The following ZNF385C variants were observed in gnomAD, a reference collection of about 807,000 sequenced individuals.
ZNF385C encodes the protein CTD-2132N18.2.
Under a neutral mutation model 35.4 loss-of-function variants are expected in ZNF385C, and 28 were observed. The ratio of observed to expected loss-of-function variants is 0.79; its 90% CI spans 0.59 to 1.08. The LOEUF (loss-of-function observed/expected upper bound fraction) is 1.08. Ranked by LOEUF, ZNF385C falls within the 50% of genes least tolerant of loss-of-function variation. The pLI is 0.00. For synonymous variants in ZNF385C, 248 were observed against 248.2 expected, an observed-to-expected ratio of 1.00 and a Z score of 0.01; for missense variants, 605 against 595.6, an observed-to-expected ratio of 1.02 and a Z score of -0.16.
At chr17:42,045,050 T>A (rs1555656499) in intron 2 of ZNF385C, among the ~76,000 whole-genome samples, 1 of 152,090 alleles carries the variant, frequency 6.6e-6, no homozygotes, top group Non-Finnish European at 1.5e-5. Context: ...CCCAAGTAGC[T>A]GGGACTACAG....
chr17:42,034,392 C>T (rs1284946252), intron 3 of ZNF385C, 57 bp from the exon 4 acceptor site: 22 of 1,314,056 alleles, frequency 1.7e-5, no homozygotes, highest in African/African-American at 3.0e-5. Context: ...AAGCAGGGGT[C>T]GGGGGCAGCA....
chr17:42,067,773 G>A (rs571781168), intron 1 of ZNF385C, among the ~76,000 whole-genome samples: 2 of 152,294 alleles, frequency 1.3e-5, no homozygotes. Flanking sequence ...GCAGGAAGAA[G>A]GTCTTAGGTG....
At chr17:42,033,549 G>A (rs557928938) in intron 4 of ZNF385C, among the ~76,000 whole-genome samples, 3 of 152,208 alleles carry the variant, frequency 2.0e-5, no homozygotes, top group African/African-American at 7.2e-5. Context: ...CCAGGAGTTC[G>A]AGACCAGCTT....
intron 2 of ZNF385C, chr17:42,040,550 A>C (rs1440522063): frequency 1.6e-6 from 2 of 1,232,916 alleles, no homozygotes; most frequent in Admixed American, 8.4e-5. Context: ...ACGAAGGTGA[A>C]CTGGCGCAGG....
chr17:42,098,210 C>T (rs2053936843), intron 1 of ZNF385C, among the ~76,000 whole-genome samples, 200 bp downstream of exon 1: 1 of 152,254 alleles, frequency 6.6e-6, no homozygotes, highest in Admixed American at 6.5e-5. Flanking sequence ...CCAGCCAGGA[C>T]CCTCTAACTG....
At chr17:42,027,572 CT>C in intron 8 of ZNF385C, 45 bp downstream of exon 8, 1 of 1,048,360 alleles carries the variant, frequency 9.5e-7, no homozygotes, top group Non-Finnish European at 1.4e-6. Context: ...AGCCCACCCT[CT>C]CCCCTCCTGA....
chr17:42,082,223 T>C (rs573702428), intron 1 of ZNF385C, among the ~76,000 whole-genome samples: 1 of 152,328 alleles, frequency 6.6e-6, no homozygotes, highest in African/African-American at 2.4e-5. Context: ...AACTCATCCA[T>C]GGCACATGGC....
Position 42,027,883 on chromosome 17 carries a change from G to A in ZNF385C, c.1165-155C>T, listed in dbSNP as rs2052630071. The A allele has an allele frequency of 5.1e-6, 6 of 1,185,338 alleles. No homozygotes were observed. In the East Asian group the frequency reaches 1.5e-4, roughly 29 times the overall value. 73.4% of individuals were successfully genotyped at this position (1,185,338 alleles called of 1,614,324 possible). A position where few individuals can be genotyped will look rare whatever the true frequency, so the allele number is the denominator to read the frequency against. Reference sequence around the variant, plus strand: ...CTGGGGTAGGCCCTGGGAAGGGGAGGTGAGTCTTGGCCTTTGCCCTTAATT... The same window carrying A: ...CTGGGGTAGGCCCTGGGAAGGGGAGATGAGTCTTGGCCTTTGCCCTTAATT... On this transcript the variant is annotated intron_variant, in intron 7 of 8. Coordinates refer to ENST00000692273, the MANE Select transcript of ZNF385C (RefSeq NM_001392013.1).
intron 2 of ZNF385C, chr17:42,041,001 C>T (rs572037535): frequency 2.5e-4 from 307 of 1,232,200 alleles, no homozygotes; most frequent in Non-Finnish European, 3.0e-4. Context: ...TGGCCTCGCC[C>T]TCCTGTAGCT....
At chr17:42,040,227 T>C (rs1380349996) in intron 2 of ZNF385C, 25 of 1,231,542 alleles carry the variant, frequency 2.0e-5, no homozygotes, top group Non-Finnish European at 2.3e-5. Flanking sequence ...AGGAGTCCTG[T>C]AGGCCCTTCC....
At chr17:42,027,165 T>TCCACCCCAGAAAACC (rs2052601887) in intron 8 of ZNF385C, 32 bp from the exon 9 acceptor site, 3 of 1,600,734 alleles carry the variant, frequency 1.9e-6, no homozygotes, top group Non-Finnish European at 2.6e-6. Context: ...GGACACAGTC[T>TCCACCCCAGAAAACC]CCACCCCAGA....
At chr17:42,040,193 C>G in intron 2 of ZNF385C, 1 of 1,231,564 alleles carries the variant, frequency 8.1e-7, no homozygotes, top group Non-Finnish European at 1.0e-6. Context: ...AAGGCGGCCA[C>G]GGCGTCCAGC....
intron 2 of ZNF385C, among the ~76,000 whole-genome samples, chr17:42,055,259 G>C (rs1294677713): frequency 6.6e-6 from 1 of 152,156 alleles, no homozygotes; most frequent in African/African-American, 2.4e-5. Flanking sequence ...TGTTTGTGTG[G>C]GGAGAGGAAG....
At position 42,080,668 on chromosome 17, in the gene ZNF385C, C is replaced by G. The variant is rs192278667; in HGVS notation, c.-2-17610G>C. Among the ~76,000 whole-genome samples the G allele has an allele frequency of 3.4e-4, 52 of 152,312 alleles. No homozygotes were observed. The East Asian group carries it at 7.9e-3, about 23-fold the overall frequency. The stretch of plus-strand genomic sequence containing the variant: ...AGCTGCTGACCACATCAAAGTCCTC[C>G]TCTCAAATCGGTCCGGTGGGAGGAG... On this transcript the variant is annotated intron_variant, in intron 1 of 8. Transcript: ENST00000692273.
rs782634624 is a variant in ZNF385C at position 42,029,111 on chromosome 17, C to T, written c.677-38G>A. ...TGGAAGAGTGTGAGACCCAAGATGA[C>T]GCTGCAGACCACGATCTTCAGCTCT... On this transcript the variant is annotated intron_variant, in intron 5 of 8. Coordinates refer to ENST00000692273, the MANE Select transcript of ZNF385C (RefSeq NM_001392013.1). 3.1e-5 allele frequency: 47 copies of T among 1,526,838 alleles called. No individual in the cohort carries two copies. The East Asian group carries it at 3.2e-4, about 10-fold the overall frequency. 94.6% of individuals were successfully genotyped at this position (1,526,838 alleles called of 1,614,324 possible).
At chr17:42,044,381 C>G (rs2053104340) in intron 2 of ZNF385C, among the ~76,000 whole-genome samples, 2 of 150,332 alleles carry the variant, frequency 1.3e-5, no homozygotes, top group Admixed American at 6.6e-5. Flanking sequence ...CTTTGGGAGG[C>G]CGAGGCAGGC....
chr17:42,080,234 C>T (rs2053734065), intron 1 of ZNF385C, among the ~76,000 whole-genome samples: 1 of 152,172 alleles, frequency 6.6e-6, no homozygotes, highest in African/African-American at 2.4e-5. Context: ...AAGGGAAAGC[C>T]TGAGGATCCA....
At chr17:42,078,222 C>T (rs1456485137) in intron 1 of ZNF385C, among the ~76,000 whole-genome samples, 3 of 152,072 alleles carry the variant, frequency 2.0e-5, no homozygotes, top group South Asian at 2.1e-4. Flanking sequence ...ATGCAAGGGC[C>T]AGGGATCCCT....
intron 2 of ZNF385C, among the ~76,000 whole-genome samples, chr17:42,052,166 G>A (rs1469140485): frequency 1.3e-5 from 2 of 152,158 alleles, no homozygotes; most frequent in African/African-American, 2.4e-5. Flanking sequence ...TCAGAGGTAT[G>A]AGCAAGCCAG....
Sources: allele counts gnomAD v4.1 joint callset (sites outside exome capture counted in the v4.1 genomes callset), GRCh38; gene constraint gnomAD v4.1.1; transcripts MANE v1.5; gene names NCBI Gene and HGNC (gene_info 2026-07-23, HGNC 2026-07-21).